PRR5: variants seen among roughly 807,000 people sequenced by gnomAD.
PRR5 encodes proline-rich protein 5.
Under a neutral mutation model 30.6 loss-of-function variants are expected in PRR5, and 25 were observed. The ratio of observed to expected loss-of-function variants is 0.82; its 90% CI spans 0.60 to 1.14. PRR5 has a LOEUF of 1.14. PRR5 is among the 50% of genes most tolerant of loss of function. The pLI, the probability that PRR5 is intolerant of heterozygous loss-of-function variation, is 0.00. For synonymous variants in PRR5, 286 were observed against 247.1 expected, an observed-to-expected ratio of 1.16 and a Z score of -1.48; for missense variants, 600 against 547.1, an observed-to-expected ratio of 1.10 and a Z score of -0.96.
intron 1 of PRR5, among the ~76,000 whole-genome samples, chr22:44,690,145 C>T (rs1925117448): frequency 6.6e-6 from 1 of 151,958 alleles, no homozygotes; most frequent in African/African-American, 2.4e-5. Context: ...GTCAGGGATG[C>T]GGGGGCAGGT....
intron 1 of PRR5, among the ~76,000 whole-genome samples, chr22:44,707,478 G>T (rs1174537415): frequency 6.6e-6 from 1 of 152,194 alleles, no homozygotes; most frequent in Non-Finnish European, 1.5e-5. Flanking sequence ...CATGCCCTTG[G>T]CGGGCTCTGT....
intron 1 of PRR5, among the ~76,000 whole-genome samples, chr22:44,688,857 G>A (rs1367521978): frequency 6.6e-6 from 1 of 152,106 alleles, no homozygotes; most frequent in Non-Finnish European, 1.5e-5. Flanking sequence ...GCATGGTGGT[G>A]CACGCCTGTG....
upstream of PRR5, among the ~76,000 whole-genome samples, chr22:44,697,606 C>T (rs1392430694): frequency 1.3e-5 from 2 of 152,210 alleles, no homozygotes; most frequent in Admixed American, 6.5e-5. Flanking sequence ...GGACGTGCCC[C>T]TCCAGAGCAG....
exon 1 of PRR5, chr22:44,677,128 A>G (rs1008699682): frequency 3.9e-5 from 6 of 152,360 alleles, no homozygotes; most frequent in African/African-American, 1.4e-4. Flanking sequence ...CACCCCCAGG[A>G]GGGTGCAGAC....
At chr22:44,676,483 G>A (rs1488538879), upstream of PRR5, among the ~76,000 whole-genome samples, 1 of 151,964 alleles carries the variant, frequency 6.6e-6, no homozygotes, top group African/African-American at 2.4e-5. Flanking sequence ...GAGTGTGATG[G>A]CCCTCCCCAC....
At chr22:44,708,966 CAAAAAAA>C (rs60854330) in intron 1 of PRR5, among the ~76,000 whole-genome samples, 5,068 of 64,168 alleles carry the variant, frequency 0.079, 287 homozygotes, top group African/African-American at 0.2. Flanking sequence ...GACTCTGTCT[CAAAAAAA>C]AAAAAAAAAA....
At chr22:44,707,653 C>G (rs896036165) in intron 1 of PRR5, among the ~76,000 whole-genome samples, 9 of 152,344 alleles carry the variant, frequency 5.9e-5, no homozygotes, top group Non-Finnish European at 1.2e-4. Context: ...GGGTACCAAG[C>G]CCTCTGAGCC....
intron 4 of PRR5, 105 bp downstream of exon 4, chr22:44,726,739 C>G (rs977060358): frequency 7.1e-6 from 11 of 1,552,352 alleles, no homozygotes; most frequent in African/African-American, 1.4e-5. Context: ...AGGTGTGGCT[C>G]TCTGGTCCGG....
intron 1 of PRR5, among the ~76,000 whole-genome samples, chr22:44,703,314 A>G (rs1438286040): frequency 7.1e-6 from 1 of 141,614 alleles, no homozygotes; most frequent in African/African-American, 2.5e-5. Flanking sequence ...TGTTCGCGGG[A>G]GGCAGTGGAC....
intron 1 of PRR5, among the ~76,000 whole-genome samples, chr22:44,685,903 TCCGTGGTA>T (rs1924704308): frequency 6.6e-6 from 1 of 152,240 alleles, no homozygotes; most frequent in African/African-American, 2.4e-5. Context: ...GGCCCTGGCT[TCCGTGGTA>T]CCATCCTTTC....
chr22:44,670,635 A>T (rs921752176), intron 1 of PRR5, among the ~76,000 whole-genome samples: 3 of 152,216 alleles, frequency 2.0e-5, no homozygotes, highest in Non-Finnish European at 4.4e-5. Context: ...GGATACTTGC[A>T]TGGACTTAAT....
chr22:44,702,584 C>T lies in PRR5; in HGVS notation c.110C>T (p.Ala37Val). 1 of 1,385,302 alleles carries T rather than the reference C, an allele frequency of 7.2e-7. No homozygotes were observed. Among genetic ancestry groups the T allele is most frequent in the Non-Finnish European group, 9.4e-7 (1 of 1,067,498 alleles). 85.8% of individuals were successfully genotyped at this position (1,385,302 alleles called of 1,614,324 possible). A position where few individuals can be genotyped will look rare whatever the true frequency, so the allele number is the denominator to read the frequency against. Residue 37 changes from alanine (A) to valine (V), a missense_variant, in exon 1 of 8, where the codon GCC (alanine) becomes GTC (valine). Coordinates refer to ENST00000336985, the MANE Select transcript of PRR5 (RefSeq NM_181333.4). ...ADERGTQQRRACANATWNSIH... is the reference protein window; with the variant it reads ...ADERGTQQRRVCANATWNSIH... ...GAGCGGGGCACGCAGCAGCGCCGGG[C>T]CTGCGCCAACGCCACCTGGAACAGG...
At chr22:44,674,060 T>A (rs1923573229), upstream of PRR5, among the ~76,000 whole-genome samples, 1 of 152,282 alleles carries the variant, frequency 6.6e-6, no homozygotes, top group African/African-American at 2.4e-5. Flanking sequence ...TCATTTCCAG[T>A]CAATTTGTTC....
rs565551016 is a variant in PRR5 at position 44,732,894 on chromosome 22, C to T, written c.555+503C>T. Among the ~76,000 whole-genome samples the T allele has an allele frequency of 1.8e-3, 265 of 148,268 alleles. 1 individual carries two copies. Among genetic ancestry groups the T allele is most frequent in the Middle Eastern group, 6.9e-3 (2 of 288 alleles). The stretch of plus-strand genomic sequence containing the variant: ...ACACACTGCACACACACACCACACA[C>T]GTGCACACGCATACACACTACACAC... On this transcript the variant is annotated intron_variant, in intron 6 of 7. Transcript: ENST00000336985.
chr22:44,729,791 C>G lies in PRR5; in HGVS notation c.323-1939C>G, dbSNP rs1172162976. The G allele has an allele frequency of 1.3e-5, 13 of 985,502 alleles. No individual in the cohort carries two copies. In the South Asian group the frequency reaches 1.9e-4, roughly 14 times the overall value. 61.0% of individuals were successfully genotyped at this position (985,502 alleles called of 1,614,324 possible). ...GTTTTACAACATCTGCTTTCCGCAGCATTTCCGCCCCGTGGGCTGGAGAAC... is the reference window on the plus strand; with the variant it reads ...GTTTTACAACATCTGCTTTCCGCAGGATTTCCGCCCCGTGGGCTGGAGAAC... On this transcript the variant is annotated intron_variant, in intron 4 of 7. Transcript: ENST00000336985.
At chr22:44,682,341 G>T (rs1027913968) in intron 1 of PRR5, among the ~76,000 whole-genome samples, 1 of 152,190 alleles carries the variant, frequency 6.6e-6, no homozygotes. Context: ...TGGAGAGAAT[G>T]GGGGGAGGAG....
At chr22:44,723,674 C>T (rs146646382) in intron 2 of PRR5, among the ~76,000 whole-genome samples, 5,188 of 152,228 alleles carry the variant, frequency 0.034, 287 homozygotes, top group African/African-American at 0.12. Context: ...GAGCCAAGAT[C>T]GCACCACTGC....
chr22:44,693,857 T>A (rs1216595991), intron 1 of PRR5, among the ~76,000 whole-genome samples: 1 of 143,786 alleles, frequency 7.0e-6, no homozygotes, highest in East Asian at 2.1e-4. Context: ...TTAGCCAGTA[T>A]GGTCTCGATG....
Position 44,702,439 on chromosome 22 carries a change from G to A in PRR5, c.-36G>A, listed in dbSNP as rs1177253976. On this transcript the variant is annotated 5_prime_UTR_variant, in exon 1 of 8. Transcript: ENST00000336985. ...GGCGTGGCGCAGGGCGCGGCGTGGGGCGCGCGTGGGCGCGGCGCAGGCGGC... is the reference window on the plus strand; with the variant it reads ...GGCGTGGCGCAGGGCGCGGCGTGGGACGCGCGTGGGCGCGGCGCAGGCGGC... 1.3e-5 allele frequency: 17 copies of A among 1,294,714 alleles called. No individual in the cohort carries two copies. The highest frequency in any genetic ancestry group is 1.5e-5 in the Non-Finnish European group (15 of 1,018,672). The allele number at this position is 1,294,714 out of a possible 1,614,324, so 80.2% of individuals were successfully genotyped here.
Sources: gnomAD v4.1 joint callset for allele counts (sites outside exome capture counted in the v4.1 genomes callset) on GRCh38, gnomAD v4.1.1 for gene constraint, MANE v1.5 for transcripts, NCBI Gene and HGNC (gene_info 2026-07-23, HGNC 2026-07-21) for gene names.